Variants in MYOM2 observed in about 807,000 individuals in gnomAD.
MYOM2 encodes myomesin 2, also known as myomesin-2.
MYOM2 carries 254 observed loss-of-function variants against 187.6 expected under a neutral mutation model. The ratio of observed to expected loss-of-function variants is 1.35; its 90% CI spans 1.22 to 1.50. The LOEUF (loss-of-function observed/expected upper bound fraction) is 1.50, where lower values mean the gene tolerates loss of function less well. Among genes scored for constraint, MYOM2 ranks in the 40% most tolerant of loss-of-function variants. The pLI, the probability that MYOM2 is intolerant of heterozygous loss-of-function variation, is 0.00. For missense variants in MYOM2, 2,796 were observed against 1,924.0 expected, an observed-to-expected ratio of 1.45 and a Z score of -8.48; for synonymous variants, 981 against 753.8, an observed-to-expected ratio of 1.30 and a Z score of -4.94.
At chr8:2,131,563 C>T (rs1797868604) in intron 32 of MYOM2, among the ~76,000 whole-genome samples, 1 of 151,746 alleles carries the variant, frequency 6.6e-6, no homozygotes, top group South Asian at 2.1e-4. Flanking sequence ...GTAAATCCCA[C>T]AGACTTGTAA....
intron 28 of MYOM2, among the ~76,000 whole-genome samples, chr8:2,118,257 A>C (rs555473309): frequency 1.1e-4 from 17 of 152,336 alleles, no homozygotes; most frequent in African/African-American, 3.1e-4. Flanking sequence ...GCCCTGGTGA[A>C]ATACACCTAG....
At position 2,069,376 on chromosome 8, in the gene MYOM2, G is replaced by C. The variant is rs758301083; in HGVS notation, c.742+10G>C. ...GCGGTGGTGGTGAGAAGTGAGTGCC[G>C]GGTGGGCTTTCACGGGGCACCTCCC... On this transcript the variant is annotated intron_variant, in intron 7 of 36. Coordinates refer to ENST00000262113, the MANE Select transcript of MYOM2 (RefSeq NM_003970.4). The C allele has an allele frequency of 1.2e-6, 2 of 1,613,898 alleles. No homozygotes were observed. Among genetic ancestry groups the C allele is most frequent in the Non-Finnish European group, 1.7e-6 (2 of 1,179,824 alleles).
chr8:2,082,962 G>A (rs1477624327), intron 13 of MYOM2, among the ~76,000 whole-genome samples: 2 of 152,048 alleles, frequency 1.3e-5, no homozygotes, highest in East Asian at 1.9e-4. Context: ...CCTAAGCCTC[G>A]ACCCCAGTTC....
rs149160219 is a variant in MYOM2 at position 2,096,235 on chromosome 8, G to C, written c.2126-12G>C. The C allele has an allele frequency of 3.9e-4, 630 of 1,608,366 alleles. 2 individuals carry two copies. Among genetic ancestry groups the C allele is most frequent in the Middle Eastern group, 3.3e-3 (19 of 5,834 alleles). ...AGGCCCTCGGTAACTCCCTGGTTGT[G>C]CTTCCTTGCAGCCGTCCCGTCCCAT... On this transcript the variant is annotated splice_polypyrimidine_tract_variant and intron_variant, in intron 17 of 36. Coordinates refer to ENST00000262113, the MANE Select transcript of MYOM2 (RefSeq NM_003970.4).
intron 14 of MYOM2, among the ~76,000 whole-genome samples, chr8:2,087,139 G>A (rs576645037): frequency 1.3e-5 from 2 of 152,332 alleles, no homozygotes; most frequent in South Asian, 2.1e-4. Context: ...CCCCTGTTGG[G>A]TTGTAGGCCA....
At chr8:2,121,745 A>G (rs1797466368) in intron 28 of MYOM2, among the ~76,000 whole-genome samples, 1 of 152,260 alleles carries the variant, frequency 6.6e-6, no homozygotes, top group Non-Finnish European at 1.5e-5. Context: ...AACCACAATC[A>G]TAAACATAAG....
chr8:2,068,527 A>G (rs976458948), intron 6 of MYOM2, among the ~76,000 whole-genome samples: 1 of 150,004 alleles, frequency 6.7e-6, no homozygotes, highest in Non-Finnish European at 1.5e-5. Context: ...TCCTGGGTAC[A>G]GCTCTTCAAT....
intron 6 of MYOM2, among the ~76,000 whole-genome samples, chr8:2,063,924 C>G (rs903349934): frequency 1.3e-5 from 2 of 152,230 alleles, no homozygotes; most frequent in South Asian, 4.1e-4. Flanking sequence ...GAAATAAAAC[C>G]CTTGCCTCTC....
intron 28 of MYOM2, among the ~76,000 whole-genome samples, chr8:2,120,697 A>AATATATATTTATAATATATATATAT (rs1797419633): frequency 2.0e-5 from 1 of 49,322 alleles, no homozygotes; most frequent in African/African-American, 7.8e-5. Context: ...TAAATATATA[A>AATATATATTTATAATATATATATAT]TATATATATT....
At chr8:2,119,587 T>C (rs1359352509) in intron 28 of MYOM2, 1 of 151,990 alleles carries the variant, frequency 6.6e-6, no homozygotes, top group Non-Finnish European at 1.5e-5. Flanking sequence ...GCTGAGGAGA[T>C]GGGACACAAG....
At chr8:2,059,960 T>G (rs575177857) in intron 6 of MYOM2, among the ~76,000 whole-genome samples, 1 of 152,158 alleles carries the variant, frequency 6.6e-6, no homozygotes, top group Non-Finnish European at 1.5e-5. Context: ...CAGGCTGGTC[T>G]CGAACTCCCG....
At chr8:2,070,858 T>C (rs1819189906) in intron 8 of MYOM2, among the ~76,000 whole-genome samples, 1 of 152,240 alleles carries the variant, frequency 6.6e-6, no homozygotes, top group Non-Finnish European at 1.5e-5. Context: ...CTTCAATTAT[T>C]TTCCAAGAAC....
intron 14 of MYOM2, 109 bp from the exon 15 acceptor site, chr8:2,089,888 ACGCAGCGGGCG>A (rs899834936): frequency 1.3e-6 from 1 of 799,664 alleles, no homozygotes; most frequent in Non-Finnish European, 1.9e-6. Flanking sequence ...TGTGTGCGAG[ACGCAGCGGGCG>A]CGCCTGGTGG....
At chr8:2,126,486 GCA>G (rs1350013186) in intron 31 of MYOM2, among the ~76,000 whole-genome samples, 2 of 151,978 alleles carry the variant, frequency 1.3e-5, no homozygotes, top group African/African-American at 4.8e-5. Context: ...ACTCATACAT[GCA>G]CACACTTACA....
At chr8:2,095,777 C>G (rs1796461164) in intron 17 of MYOM2, among the ~76,000 whole-genome samples, 1 of 152,194 alleles carries the variant, frequency 6.6e-6, no homozygotes, top group African/African-American at 2.4e-5. Context: ...GATTCACACT[C>G]ATTTGAAGGA....
At chr8:2,056,242 A>G (rs1320392035) in intron 3 of MYOM2, among the ~76,000 whole-genome samples, 2 of 152,122 alleles carry the variant, frequency 1.3e-5, no homozygotes, top group Non-Finnish European at 2.9e-5. Flanking sequence ...GGCATCTGAG[A>G]TGGGTGTTGG....
At chr8:2,106,072 G>A (rs555011330) in intron 21 of MYOM2, among the ~76,000 whole-genome samples, 170 bp from the exon 22 acceptor site, 6 of 152,216 alleles carry the variant, frequency 3.9e-5, no homozygotes, top group African/African-American at 7.2e-5. Context: ...GACAGCATGG[G>A]GGAAACCACC....
intron 32 of MYOM2, among the ~76,000 whole-genome samples, chr8:2,129,831 C>T (rs4490870): frequency 0.032 from 4,863 of 152,182 alleles, 95 homozygotes; most frequent in Non-Finnish European, 0.037. Context: ...AAGCACAAGC[C>T]GACATCTGAA....
intron 13 of MYOM2, among the ~76,000 whole-genome samples, chr8:2,082,848 A>G (rs1819675879): frequency 6.6e-6 from 1 of 152,148 alleles, no homozygotes; most frequent in African/African-American, 2.4e-5. Flanking sequence ...TGTCAAACCT[A>G]AAATAAACTC....
Sources: allele counts gnomAD v4.1 joint callset (sites outside exome capture counted in the v4.1 genomes callset), GRCh38; gene constraint gnomAD v4.1.1; transcripts MANE v1.5; gene names NCBI Gene and HGNC (gene_info 2026-07-23, HGNC 2026-07-21).